ADGRL4: variants seen among roughly 807,000 people sequenced by gnomAD.
The protein encoded by ADGRL4 is EGF, latrophilin and seven transmembrane domain containing 1.
ADGRL4 carries 90 observed loss-of-function variants against 74.8 expected under a neutral mutation model. The observed-to-expected ratio is 1.20, with a 90% CI of 1.02 to 1.43. The LOEUF is 1.43. Ranked by LOEUF, ADGRL4 falls within the 40% of genes most tolerant of loss-of-function variation. The pLI is 0.00. For synonymous variants in ADGRL4, 311 were observed against 279.2 expected (o/e 1.11, Z -1.14); for missense variants, 881 against 814.3 (o/e 1.08, Z -1.00).
At chr1:78,990,761 C>T (rs1650592113) in intron 2 of ADGRL4, among the ~76,000 whole-genome samples, 1 of 151,914 alleles carries the variant, frequency 6.6e-6, no homozygotes, top group Admixed American at 6.6e-5. Context: ...CAAGCATCTG[C>T]TTGCCTTTCT....
At chr1:78,980,454 T>C (rs551200034) in intron 2 of ADGRL4, among the ~76,000 whole-genome samples, 1 of 152,088 alleles carries the variant, frequency 6.6e-6, no homozygotes, top group African/African-American at 2.4e-5. Flanking sequence ...AACAGAGGCC[T>C]ATAAATAGAA....
intron 9 of ADGRL4, 61 bp downstream of exon 9, chr1:78,921,552 T>A: frequency 9.4e-7 from 1 of 1,064,718 alleles, no homozygotes; most frequent in Non-Finnish European, 1.3e-6. Context: ...TTGTCTCGAA[T>A]GATGCGGAAA....
intron 12 of ADGRL4, among the ~76,000 whole-genome samples, chr1:78,900,203 T>C (rs192632777): frequency 1.3e-5 from 2 of 152,152 alleles, no homozygotes; most frequent in Admixed American, 1.3e-4. Context: ...AGCAAGGAAA[T>C]GGGGTCTTAG....
At chr1:78,902,934 T>G (rs1365870910) in intron 12 of ADGRL4, among the ~76,000 whole-genome samples, 1 of 152,184 alleles carries the variant, frequency 6.6e-6, no homozygotes, top group African/African-American at 2.4e-5. Context: ...CTTTCCATCC[T>G]TTAGAGTCCA....
At chr1:78,924,509 G>A (rs1404305689) in intron 8 of ADGRL4, among the ~76,000 whole-genome samples, 9 of 151,898 alleles carry the variant, frequency 5.9e-5, no homozygotes, top group Admixed American at 5.9e-4. Context: ...GGCATGCCTG[G>A]GCTGATAAAT....
chr1:78,930,102 T>C (rs892107012), intron 7 of ADGRL4, among the ~76,000 whole-genome samples: 8 of 151,444 alleles, frequency 5.3e-5, no homozygotes, highest in Admixed American at 3.3e-4. Context: ...CAAGAAAGAA[T>C]AGAGGATACG....
chr1:78,934,822 A>G (rs1649319704), intron 7 of ADGRL4, among the ~76,000 whole-genome samples: 1 of 152,240 alleles, frequency 6.6e-6, no homozygotes, highest in Admixed American at 6.5e-5. Context: ...ATTACTGATC[A>G]CTAGAGAAAT....
At chr1:78,927,825 G>C (rs999342604) in intron 7 of ADGRL4, among the ~76,000 whole-genome samples, 1 of 152,170 alleles carries the variant, frequency 6.6e-6, no homozygotes, top group African/African-American at 2.4e-5. Context: ...GCTAGAAGTT[G>C]CCAAAGTGTA....
intron 2 of ADGRL4, among the ~76,000 whole-genome samples, chr1:78,956,721 A>G (rs982569141): frequency 5.9e-5 from 9 of 152,188 alleles, no homozygotes; most frequent in African/African-American, 1.9e-4. Flanking sequence ...AAATTACCTA[A>G]TGTTTGAGAA....
chr1:78,967,670 T>G (rs955015125), intron 2 of ADGRL4, among the ~76,000 whole-genome samples: 5 of 152,170 alleles, frequency 3.3e-5, no homozygotes, highest in African/African-American at 9.7e-5. Flanking sequence ...GTGAACATAC[T>G]GACTAAATTC....
intron 12 of ADGRL4, among the ~76,000 whole-genome samples, chr1:78,912,026 A>T: frequency 6.6e-6 from 1 of 151,782 alleles, no homozygotes; most frequent in Non-Finnish European, 1.5e-5. Context: ...TCTATACTGC[A>T]GGGTGACCAA....
chr1:78,977,759 G>A (rs1318821880), intron 2 of ADGRL4, among the ~76,000 whole-genome samples: 1 of 151,706 alleles, frequency 6.6e-6, no homozygotes, highest in African/African-American at 2.4e-5. Context: ...GGCACTACCA[G>A]AACCTGGCTA....
At chr1:78,961,362 C>T (rs563796629) in intron 2 of ADGRL4, among the ~76,000 whole-genome samples, 219 of 152,174 alleles carry the variant, frequency 1.4e-3, no homozygotes, top group Admixed American at 2.2e-3. Context: ...AGGATGGTCT[C>T]GGTCTCTTGA....
chr1:78,952,635 T>C (rs1027939649), intron 2 of ADGRL4, among the ~76,000 whole-genome samples: 4 of 152,156 alleles, frequency 2.6e-5, no homozygotes, highest in African/African-American at 4.8e-5. Context: ...AAGCCCATAG[T>C]GTAAACTCAC....
intron 12 of ADGRL4, among the ~76,000 whole-genome samples, chr1:78,905,566 A>C (rs1372824460): frequency 6.6e-6 from 1 of 152,016 alleles, no homozygotes; most frequent in Non-Finnish European, 1.5e-5. Context: ...GAATACAAAA[A>C]CAAACAAATG....
At chr1:78,971,325 C>T (rs994451461) in intron 2 of ADGRL4, among the ~76,000 whole-genome samples, 5 of 152,126 alleles carry the variant, frequency 3.3e-5, no homozygotes, top group Admixed American at 6.5e-5. Flanking sequence ...ATGTGCATAA[C>T]GTGCAGGTTT....
intron 12 of ADGRL4, 68 bp from the exon 13 acceptor site, chr1:78,893,257 A>G: frequency 1.1e-6 from 1 of 932,542 alleles, no homozygotes; most frequent in Non-Finnish European, 1.7e-6. Context: ...TAAAGAAAAT[A>G]AATGGTAAAG....
chr1:78,939,341 C>G (rs778992463), intron 3 of ADGRL4, 83 bp from the exon 4 acceptor site: 18 of 1,230,476 alleles, frequency 1.5e-5, no homozygotes, highest in African/African-American at 3.1e-5. Flanking sequence ...AATGATCTTT[C>G]TCACTTATTT....
chr1:78,926,530 C>T (rs17412765), intron 8 of ADGRL4, among the ~76,000 whole-genome samples: 17,851 of 151,972 alleles, frequency 0.12, 1,166 homozygotes, highest in Middle Eastern at 0.15. Flanking sequence ...TAATGAAACA[C>T]CTCACTTATT....
Sources: gnomAD v4.1 joint callset for allele counts (sites outside exome capture counted in the v4.1 genomes callset) on GRCh38, gnomAD v4.1.1 for gene constraint, MANE v1.5 for transcripts, NCBI Gene and HGNC (gene_info 2026-07-23, HGNC 2026-07-21) for gene names.